Variants in RAPGEF6 observed in about 807,000 individuals in gnomAD.
RAPGEF6 encodes the protein Rap guanine nucleotide exchange factor 6, also known as PDZ domain containing guanine nucleotide exchange factor (GEF) 2.
In RAPGEF6, 56 loss-of-function variants were observed where a neutral mutation model predicts 171.4. The ratio of observed to expected loss-of-function variants is 0.33; its 90% CI spans 0.26 to 0.41. The LOEUF (loss-of-function observed/expected upper bound fraction) is 0.41, where lower values mean the gene tolerates loss of function less well. RAPGEF6 is among the 10% of genes least tolerant of loss of function. The pLI is 1.00. For missense variants in RAPGEF6, 1,674 were observed against 1,921.4 expected (o/e 0.87, Z 2.41); for synonymous variants, 692 against 650.1 (o/e 1.06, Z -0.98).
intron 19 of RAPGEF6, among the ~76,000 whole-genome samples, chr5:131,459,725 A>G (rs991622146): frequency 6.6e-6 from 1 of 152,204 alleles, no homozygotes; most frequent in African/African-American, 2.4e-5. Context: ...TCCAAGATAA[A>G]TTAAAAAAAT....
intron 15 of RAPGEF6, among the ~76,000 whole-genome samples, chr5:131,480,928 CTTT>C (rs34370165): frequency 7.0e-6 from 1 of 142,256 alleles, no homozygotes; most frequent in Non-Finnish European, 1.5e-5. Flanking sequence ...TTAGATACTG[CTTT>C]TTTTTTTTTT....
rs1759147904 is a variant in RAPGEF6 at position 131,528,555 on chromosome 5, A to T, written c.496-7034T>A. ...TGGAAGGATGTTTCTAAATGATGTA[A>T]CTAATAAGTATTAAAAAGTTTTTCA... is the stretch of plus-strand genomic sequence containing the variant. On this transcript the variant is annotated intron_variant, in intron 6 of 27. Transcript: ENST00000509018. Among the ~76,000 whole-genome samples, 4 of 151,792 alleles carry T rather than the reference A, an allele frequency of 2.6e-5. No homozygotes were observed. The South Asian group carries it at 8.3e-4, about 31-fold the overall frequency.
At chr5:131,556,421 G>T (rs1910030) in intron 5 of RAPGEF6, among the ~76,000 whole-genome samples, 68,671 of 151,742 alleles carry the variant, frequency 0.45, 16,169 homozygotes, top group Non-Finnish European at 0.54. Context: ...ATAATAATAA[G>T]AAGAAGAAAA....
rs1386344531 is a variant in RAPGEF6, at chr5:131,442,344, C to G, written c.3610+5G>C. 1.2e-6 allele frequency: 2 copies of G among 1,606,090 alleles called. No individual in the cohort carries two copies. The highest frequency in any genetic ancestry group is 2.2e-5 in the South Asian group (2 of 89,710). On this transcript the variant is annotated splice_donor_5th_base_variant and intron_variant, in intron 23 of 27. Transcript: ENST00000509018. ...ACGGATGTAATATTAATGGTGAATA[C>G]TCACTCAGTGCAGGGTCTTTTGTTT...
chr5:131,589,536 A>C (rs1010871959), intron 4 of RAPGEF6, among the ~76,000 whole-genome samples: 1 of 152,232 alleles, frequency 6.6e-6, no homozygotes, highest in African/African-American at 2.4e-5. Flanking sequence ...TGTGTTTAGA[A>C]GCATTCATAA....
intron 1 of RAPGEF6, among the ~76,000 whole-genome samples, chr5:131,616,974 T>C (rs1444523630): frequency 1.3e-5 from 2 of 152,210 alleles, no homozygotes; most frequent in Non-Finnish European, 2.9e-5. Flanking sequence ...ATTCATTCTC[T>C]TCTTAACCTA....
chr5:131,597,668 A>C (rs1763981084), intron 3 of RAPGEF6, among the ~76,000 whole-genome samples: 1 of 152,102 alleles, frequency 6.6e-6, no homozygotes, highest in African/African-American at 2.4e-5. Flanking sequence ...GATACCATAG[A>C]AGTGGAGTAG....
intron 1 of RAPGEF6, among the ~76,000 whole-genome samples, chr5:131,621,595 G>A (rs1365566822): frequency 1.3e-5 from 2 of 152,126 alleles, no homozygotes; most frequent in East Asian, 3.9e-4. Context: ...CCTGGCCCTT[G>A]TATGCTTTAA....
intron 1 of RAPGEF6, among the ~76,000 whole-genome samples, chr5:131,628,986 T>G (rs1419892678): frequency 6.6e-6 from 1 of 152,132 alleles, no homozygotes; most frequent in Non-Finnish European, 1.5e-5. Flanking sequence ...ACAAGGAGAT[T>G]AGTGATTTTT....
chr5:131,436,007 T>G, intron 24 of RAPGEF6: 4 of 1,536,792 alleles, frequency 2.6e-6, no homozygotes, highest in Non-Finnish European at 3.5e-6. Context: ...TTTAAAGTGT[T>G]ACTGTTGCCT....
chr5:131,549,080 A>T (rs2149950680), intron 5 of RAPGEF6, among the ~76,000 whole-genome samples: 1 of 152,214 alleles, frequency 6.6e-6, no homozygotes, highest in Non-Finnish European at 1.5e-5. Flanking sequence ...ATTAAAAAAA[A>T]AATTTTTTTT....
At chr5:131,512,467 G>T (rs1295471942) in intron 7 of RAPGEF6, among the ~76,000 whole-genome samples, 1 of 151,574 alleles carries the variant, frequency 6.6e-6, no homozygotes, top group Non-Finnish European at 1.5e-5. Flanking sequence ...CTCCCTAGTA[G>T]CTAGGACCAC....
At chr5:131,612,031 T>C (rs1282477018) in intron 1 of RAPGEF6, among the ~76,000 whole-genome samples, 1 of 151,988 alleles carries the variant, frequency 6.6e-6, no homozygotes, top group Non-Finnish European at 1.5e-5. Flanking sequence ...CTGAATTATG[T>C]TTCTGTCTTG....
At position 131,443,234 on chromosome 5, in the gene RAPGEF6, C is replaced by G. The variant is rs145364399; in HGVS notation, c.3422-697G>C. On this transcript the variant is annotated intron_variant, in intron 22 of 27. Transcript: ENST00000509018. ...CTGGGATTACAGGCGTGAGCCACTG[C>G]GCCTGGCCTATTTTTGTATTTTTAG... 8.8e-3 allele frequency among the ~76,000 whole-genome samples: 1,344 copies of G among 152,096 alleles called. 24 individuals carry two copies. The highest frequency in any genetic ancestry group is 0.031 in the African/African-American group (1,276 of 41,484).
intron 1 of RAPGEF6, among the ~76,000 whole-genome samples, chr5:131,605,477 A>C (rs971429863): frequency 6.6e-6 from 1 of 152,224 alleles, no homozygotes; most frequent in Non-Finnish European, 1.5e-5. Context: ...ATGTACCCTA[A>C]AACTTAAAGT....
intron 21 of RAPGEF6, among the ~76,000 whole-genome samples, chr5:131,448,734 T>C (rs1414341961): frequency 6.6e-6 from 1 of 152,236 alleles, no homozygotes; most frequent in East Asian, 1.9e-4. Context: ...CTAATGTTTG[T>C]AAGCATCATA....
intron 5 of RAPGEF6, among the ~76,000 whole-genome samples, chr5:131,557,596 CT>C (rs1038747365): frequency 6.6e-6 from 1 of 152,110 alleles, no homozygotes; most frequent in Non-Finnish European, 1.5e-5. Flanking sequence ...GTATGGTGAG[CT>C]TTCTCCATAT....
intron 7 of RAPGEF6, among the ~76,000 whole-genome samples, chr5:131,518,803 C>T (rs1020265577): frequency 2.0e-5 from 3 of 152,118 alleles, no homozygotes; most frequent in Middle Eastern, 3.4e-3. Flanking sequence ...TAAATTTCTT[C>T]ATTCCTATTT....
chr5:131,451,120 A>G (rs917337395), intron 21 of RAPGEF6, among the ~76,000 whole-genome samples: 1 of 152,170 alleles, frequency 6.6e-6, no homozygotes, highest in Non-Finnish European at 1.5e-5. Context: ...AGTTCTTACT[A>G]TTTTCTGCTT....
Sources: allele counts gnomAD v4.1 joint callset (sites outside exome capture counted in the v4.1 genomes callset), GRCh38; gene constraint gnomAD v4.1.1; transcripts MANE v1.5; gene names NCBI Gene and HGNC (gene_info 2026-07-23, HGNC 2026-07-21).